Variants in PPP2R1A observed in about 807,000 individuals in gnomAD.
PPP2R1A encodes the protein serine/threonine-protein phosphatase 2A 65 kDa regulatory subunit A alpha isoform.
A neutral mutation model predicts 67.1 loss-of-function variants in PPP2R1A; 15 were observed. The ratio of observed to expected loss-of-function variants is 0.22; its 90% CI spans 0.15 to 0.34. PPP2R1A has a LOEUF of 0.34. Among genes scored for constraint, PPP2R1A ranks in the 10% least tolerant of loss-of-function variants. PPP2R1A has a pLI of 1.00. For synonymous variants in PPP2R1A, 337 were observed against 325.0 expected (o/e 1.04, Z -0.40); for missense variants, 369 against 775.0 (o/e 0.48, Z 6.22).
At chr19:52,207,658 G>A (rs1369864880) in intron 3 of PPP2R1A, among the ~76,000 whole-genome samples, 12 of 152,198 alleles carry the variant, frequency 7.9e-5, no homozygotes, top group African/African-American at 2.7e-4. Flanking sequence ...GTGCTTGCTC[G>A]TTGCCTGCAG....
At position 52,216,753 on chromosome 19, in the gene PPP2R1A, T is replaced by A; in HGVS notation, c.1128+90T>A. The A allele has an allele frequency of 6.4e-7, 1 of 1,563,464 alleles. No individual in the cohort carries two copies. Among genetic ancestry groups the A allele is most frequent in the Non-Finnish European group, 8.8e-7 (1 of 1,141,836 alleles). ...AGGGTTTACCTAGATTGACCAGGAA[T>A]CTGCTGATATCTCAACAGACATCCA... On this transcript the variant is annotated intron_variant, in intron 9 of 14. Coordinates refer to ENST00000322088, the MANE Select transcript of PPP2R1A (RefSeq NM_014225.6). This position sits in a 1 kb window ranked among gnomAD's most constrained non-coding sequence, Gnocchi z 4.3.
At chr19:52,214,034 A>G (rs1335168444) in intron 6 of PPP2R1A, among the ~76,000 whole-genome samples, 1 of 152,162 alleles carries the variant, frequency 6.6e-6, no homozygotes, top group African/African-American at 2.4e-5. Context: ...AAAGTGTCAC[A>G]GGTGTGGGAC....
intron 1 of PPP2R1A, among the ~76,000 whole-genome samples, chr19:52,193,730 C>G (rs1370657061): frequency 2.0e-5 from 3 of 152,042 alleles, no homozygotes; most frequent in Non-Finnish European, 4.4e-5. Context: ...CCACCACATC[C>G]AGCTAATTTT....
At chr19:52,194,575 A>G (rs545336820) in intron 1 of PPP2R1A, among the ~76,000 whole-genome samples, 14 of 151,760 alleles carry the variant, frequency 9.2e-5, no homozygotes, top group African/African-American at 3.1e-4. Flanking sequence ...GTTAGCATGC[A>G]GGGGGGAAGT....
At chr19:52,202,870 G>T (rs1394904740) in intron 2 of PPP2R1A, among the ~76,000 whole-genome samples, 1 of 152,334 alleles carries the variant, frequency 6.6e-6, no homozygotes, top group South Asian at 2.1e-4. Flanking sequence ...TTATAACACT[G>T]TATAGTACGT....
chr19:52,226,285 G>A lies in PPP2R1A; in HGVS notation c.*304G>A, dbSNP rs1166386886. On this transcript the variant is annotated 3_prime_UTR_variant, in exon 15 of 15. Transcript: ENST00000322088. ...TCACTGGATCCTGCTGCTGTAATGG[G>A]AACCCCTCCCCCATTTACTTCTCCA... is the stretch of plus-strand genomic sequence containing the variant. 8.8e-6 allele frequency: 4 copies of A among 456,800 alleles called. No individual in the cohort carries two copies. Among genetic ancestry groups the A allele is most frequent in the Non-Finnish European group, 1.6e-5 (4 of 257,974 alleles). 28.3% of individuals were successfully genotyped at this position (456,800 alleles called of 1,614,324 possible).
At chr19:52,210,482 TTC>T (rs2089654833) in intron 3 of PPP2R1A, among the ~76,000 whole-genome samples, 1 of 139,746 alleles carries the variant, frequency 7.2e-6, no homozygotes, top group Non-Finnish European at 1.5e-5. Flanking sequence ...CAGTTTTCTC[TTC>T]TTTTTTTTTT....
Position 52,216,096 on chromosome 19 carries a change from G to A in PPP2R1A, c.993+22G>A, listed in dbSNP as rs750190789. 3.1e-6 allele frequency: 5 copies of A among 1,599,508 alleles called. No homozygotes were observed. In the Admixed American group the frequency reaches 8.3e-5, roughly 27 times the overall value. ...CAAGGTAACAGAGAGTTTGATGGGA[G>A]GAACCAAGTGGATCCGAGCCTGCCA... On this transcript the variant is annotated intron_variant, in intron 8 of 14. Coordinates refer to ENST00000322088, the MANE Select transcript of PPP2R1A (RefSeq NM_014225.6). This position sits in a 1 kb window ranked among gnomAD's most constrained non-coding sequence, Gnocchi z 4.3.
intron 1 of PPP2R1A, among the ~76,000 whole-genome samples, chr19:52,192,412 A>G (rs190963337): frequency 9.9e-5 from 15 of 151,778 alleles, no homozygotes; most frequent in African/African-American, 3.4e-4. Context: ...GGTTCAAGCA[A>G]TTCTCCTGCC....
chr19:52,222,049 A>T (rs751549298), intron 12 of PPP2R1A, 50 bp from the exon 13 acceptor site: 1 of 1,530,720 alleles, frequency 6.5e-7, no homozygotes, highest in South Asian at 1.2e-5. Context: ...AGGAAATGAG[A>T]GTTAGCCAGG....
At chr19:52,190,752 C>A (rs570345233) in intron 1 of PPP2R1A, among the ~76,000 whole-genome samples, 11 of 152,300 alleles carry the variant, frequency 7.2e-5, no homozygotes, top group African/African-American at 2.6e-4. Context: ...TGGGGACTAG[C>A]CAAGTTTAGG....
chr19:52,194,088 C>CAAAAAAAAAAAAAAAA (rs915576804), intron 1 of PPP2R1A, among the ~76,000 whole-genome samples: 220 of 60,494 alleles, frequency 3.6e-3, no homozygotes, highest in Non-Finnish European at 4.8e-3. Context: ...ACCCTGTCTC[C>CAAAAAAAAAAAAAAAA]AAAAAAAAAA....
At position 52,211,376 on chromosome 19, in the gene PPP2R1A, G is replaced by A; in HGVS notation, c.387G>A (p.Val129=). The A allele has an allele frequency of 6.2e-7, 1 of 1,614,176 alleles. No homozygotes were observed. Among genetic ancestry groups the A allele is most frequent in the Non-Finnish European group, 8.5e-7 (1 of 1,180,030 alleles). The change falls in exon 4 of 15, where the codon GTG becomes GTA. Residue 129 remains valine, a synonymous_variant. Coordinates refer to ENST00000322088, the MANE Select transcript of PPP2R1A (RefSeq NM_014225.6). The surrounding 1 kb of genome is among the most constrained non-coding windows in gnomAD (Gnocchi z 5.3). ...CCTCTGACCTGGAGGCGCACTTTGT[G>A]CCGCTAGTGAAGCGGCTGGCGGGCG... ...HSPSDLEAHF[V]PLVKRLAGGD...
chr19:52,209,658 T>C (rs973996294), intron 3 of PPP2R1A, among the ~76,000 whole-genome samples: 18 of 152,210 alleles, frequency 1.2e-4, no homozygotes, highest in African/African-American at 3.4e-4. Context: ...TCCAAACCCA[T>C]TGGACATGAG....
At chr19:52,201,788 C>G in intron 1 of PPP2R1A, 156 bp from the exon 2 acceptor site, 1 of 613,282 alleles carries the variant, frequency 1.6e-6, no homozygotes, top group Non-Finnish European at 2.9e-6. Flanking sequence ...CTCGAGGTCA[C>G]AGGGTCTCTT....
At position 52,219,574 on chromosome 19, in the gene PPP2R1A, A is replaced by G; in HGVS notation, c.1129-117A>G. ...TCCCAGAACGGGGAGCTGGGCTTGG[A>G]CAGGAGTAGTCCCTCGGGAGATGTC... On this transcript the variant is annotated intron_variant, in intron 9 of 14. Coordinates refer to ENST00000322088, the MANE Select transcript of PPP2R1A (RefSeq NM_014225.6). The surrounding 1 kb of genome is among the most constrained non-coding windows in gnomAD (Gnocchi z 4.0). 9.4e-7 allele frequency: 1 copy of G among 1,069,500 alleles called. No homozygotes were observed. The highest frequency in any genetic ancestry group is 2.6e-5 in the East Asian group (1 of 39,118). 66.3% of individuals were successfully genotyped at this position (1,069,500 alleles called of 1,614,324 possible). A position where few individuals can be genotyped will look rare whatever the true frequency, so the allele number is the denominator to read the frequency against.
Position 52,226,115 on chromosome 19 carries a change from C to G in PPP2R1A, c.*134C>G, listed in dbSNP as rs1979245144. ...TCTGACCCCAGGCCCCTTCCCCCAG[C>G]ACGGTTCCTCCTCTCCCCAGCCTGG... On this transcript the variant is annotated 3_prime_UTR_variant, in exon 15 of 15. Transcript: ENST00000322088. 7.4e-7 allele frequency: 1 copy of G among 1,360,044 alleles called. No homozygotes were observed. Among genetic ancestry groups the G allele is most frequent in the Non-Finnish European group, 1.0e-6 (1 of 969,758 alleles). 84.2% of individuals were successfully genotyped at this position (1,360,044 alleles called of 1,614,324 possible). A position where few individuals can be genotyped will look rare whatever the true frequency, so the allele number is the denominator to read the frequency against.
chr19:52,195,361 A>G lies in PPP2R1A; in HGVS notation c.78+5187A>G, dbSNP rs547441299. Among the ~76,000 whole-genome samples, 144 of 152,322 alleles carry G rather than the reference A, an allele frequency of 9.5e-4. 1 individual carries two copies. The highest frequency in any genetic ancestry group is 1.8e-3 in the Non-Finnish European group (122 of 68,022). On this transcript the variant is annotated intron_variant, in intron 1 of 14. Coordinates refer to ENST00000322088, the MANE Select transcript of PPP2R1A (RefSeq NM_014225.6). Reference sequence around the variant, plus strand: ...ATTCTCTCACTTAACACAACAATCAACAACACAGAAGAAGACTTCCGTGAC... The same window carrying G: ...ATTCTCTCACTTAACACAACAATCAGCAACACAGAAGAAGACTTCCGTGAC...
chr19:52,212,996 C>T lies in PPP2R1A; in HGVS notation c.693C>T (p.Ile231=), dbSNP rs149134744. The change falls in exon 6 of 15, where the codon ATC becomes ATT. Residue 231 remains isoleucine, a synonymous_variant. Transcript: ENST00000322088. The surrounding 1 kb of genome is among the most constrained non-coding windows in gnomAD (Gnocchi z 4.1). ...RLLAVEACVN[I]AQLLPQEDLE... is the part of the protein sequence containing the mutation. ...TGGCGGTGGAGGCGTGCGTGAACAT[C>T]GCCCAGCTTCTGCCCCAGGAGGATC... 3.4e-4 allele frequency: 554 copies of T among 1,610,326 alleles called. No homozygotes were observed. The highest frequency in any genetic ancestry group is 4.9e-4 in the Admixed American group (29 of 59,652).
Sources: gnomAD v4.1 joint callset for allele counts (sites outside exome capture counted in the v4.1 genomes callset) on GRCh38, gnomAD v4.1.1 for gene constraint, Gnocchi (gnomAD v3.1) non-coding constraint, MANE v1.5 for transcripts, NCBI Gene and HGNC (gene_info 2026-07-23, HGNC 2026-07-21) for gene names.